The following CCDC171 variants were observed in gnomAD, a reference collection of about 807,000 sequenced individuals.
CCDC171 encodes coiled-coil domain containing 171, also known as coiled-coil domain-containing protein 171.
A neutral mutation model predicts 168.2 loss-of-function variants in CCDC171; 177 were observed. The observed-to-expected ratio is 1.05, with a 90% CI of 0.93 to 1.19. The LOEUF is 1.19. Ranked by LOEUF, CCDC171 falls within the 50% of genes most tolerant of loss-of-function variation. CCDC171 has a pLI of 0.00. For missense variants in CCDC171, 1,991 were observed against 1,539.0 expected, an observed-to-expected ratio of 1.29 and a Z score of -4.91; for synonymous variants, 687 against 540.8, an observed-to-expected ratio of 1.27 and a Z score of -3.75.
chr9:16,080,590 A>G, the CCDC171 span, among the ~76,000 whole-genome samples: 1 of 152,228 alleles, frequency 6.6e-6, no homozygotes, highest in Non-Finnish European at 1.5e-5. Flanking sequence ...CAGCAAGTCA[A>G]AAATTCCAAT....
intron 25 of CCDC171, among the ~76,000 whole-genome samples, chr9:15,928,887 T>C (rs1385590619): frequency 2.6e-5 from 4 of 151,730 alleles, no homozygotes; most frequent in African/African-American, 7.2e-5. Context: ...CCTGGAGTTA[T>C]TGGTGCATAT....
rs546128638 is a variant in CCDC171 at position 15,928,932 on chromosome 9, T to C, written c.3753+8510T>C. 2.6e-5 allele frequency among the ~76,000 whole-genome samples: 4 copies of C among 151,826 alleles called. No individual in the cohort carries two copies. The South Asian group carries it at 8.3e-4, about 32-fold the overall frequency. ...CTCATACCTTCTTTCTAGAATTTTG[T>C]TTTATGTAATGCAGTTTAAGAAGAT... On this transcript the variant is annotated intron_variant, in intron 25 of 25. Transcript: ENST00000380701.
chr9:15,950,632 A>G (rs555287748), intron 25 of CCDC171, among the ~76,000 whole-genome samples: 48 of 152,248 alleles, frequency 3.2e-4, no homozygotes, highest in Non-Finnish European at 6.3e-4. Flanking sequence ...AGCGCTAAAC[A>G]TGGAAAGGAA....
rs1204587513 is a variant in CCDC171 at position 15,677,786 on chromosome 9, T to C, written c.1077-972T>C. Among the ~76,000 whole-genome samples, 4 of 143,810 alleles carry C rather than the reference T, an allele frequency of 2.8e-5. No homozygotes were observed. In the East Asian group the frequency reaches 8.2e-4, roughly 29 times the overall value. 94.3% of individuals were successfully genotyped at this position (143,810 alleles called of 152,430 possible). ...CTATATGTGTGTGTGTGTGTGTATA[T>C]ATACCCCATCTCATATATATACACA... On this transcript the variant is annotated intron_variant, in intron 9 of 25. Coordinates refer to ENST00000380701, the MANE Select transcript of CCDC171 (RefSeq NM_173550.4).
At chr9:15,746,153 G>GT (rs1051674077) in intron 18 of CCDC171, among the ~76,000 whole-genome samples, 114 of 151,756 alleles carry the variant, frequency 7.5e-4, no homozygotes, top group African/African-American at 2.6e-3. Flanking sequence ...TAAAATGCAA[G>GT]TTTTTTTTTA....
chr9:15,641,235 C>A (rs1256067391), intron 7 of CCDC171, among the ~76,000 whole-genome samples: 1 of 152,116 alleles, frequency 6.6e-6, no homozygotes, highest in African/African-American at 2.4e-5. Flanking sequence ...AATGAGGAAA[C>A]TAACATACAA....
At chr9:16,043,414 T>A (rs1055053689) in intron 1 of CCDC171, among the ~76,000 whole-genome samples, 2 of 152,222 alleles carry the variant, frequency 1.3e-5, no homozygotes, top group African/African-American at 4.8e-5. Context: ...TATAGATAAA[T>A]TAGTTTTGTA....
chr9:15,767,914 T>C (rs1182579175), intron 18 of CCDC171, among the ~76,000 whole-genome samples: 2 of 128,306 alleles, frequency 1.6e-5, no homozygotes, highest in Non-Finnish European at 3.4e-5. Context: ...TTTTAATTTT[T>C]AGTAGAGAAG....
At chr9:15,718,569 G>C (rs1307730765) in intron 11 of CCDC171, among the ~76,000 whole-genome samples, 1 of 152,210 alleles carries the variant, frequency 6.6e-6, no homozygotes, top group Non-Finnish European at 1.5e-5. Context: ...CAGTCCTACT[G>C]GTGGTGGCCA....
intron 21 of CCDC171, among the ~76,000 whole-genome samples, chr9:15,831,534 C>T (rs1481283793): frequency 6.6e-6 from 1 of 152,086 alleles, no homozygotes; most frequent in African/African-American, 2.4e-5. Context: ...TGACTGTCAC[C>T]TTGGAATTTA....
chr9:15,959,673 G>A (rs1830155212), intron 25 of CCDC171, among the ~76,000 whole-genome samples: 1 of 152,110 alleles, frequency 6.6e-6, no homozygotes, highest in Admixed American at 6.6e-5. Context: ...ACTCTAGAGA[G>A]TTAATCTGAA....
At position 15,909,868 on chromosome 9, in the gene CCDC171, A is replaced by T. The variant is rs189170637; in HGVS notation, c.3601-10402A>T. On this transcript the variant is annotated intron_variant, in intron 24 of 25. Transcript: ENST00000380701. Reference sequence around the variant, plus strand: ...ACATATTTAGGAGGTACAAATGCAGATTTCTTACTTGCATATATTGCATAG... The same window carrying T: ...ACATATTTAGGAGGTACAAATGCAGTTTTCTTACTTGCATATATTGCATAG... 1.8e-4 allele frequency among the ~76,000 whole-genome samples: 27 copies of T among 152,132 alleles called. No homozygotes were observed. The East Asian group carries it at 5.2e-3, about 29-fold the overall frequency.
chr9:16,077,698 A>AG, the CCDC171 span, among the ~76,000 whole-genome samples: 15 of 152,116 alleles, frequency 9.9e-5, no homozygotes, highest in Non-Finnish European at 1.6e-4. Flanking sequence ...CAGATGTAAG[A>AG]GGGGAAAAAA....
At chr9:16,108,248 C>T in the CCDC171 span, among the ~76,000 whole-genome samples, 1 of 152,182 alleles carries the variant, frequency 6.6e-6, no homozygotes, top group African/African-American at 2.4e-5. Context: ...GGAGTCTGCC[C>T]TTCCAGGCTC....
intron 3 of CCDC171, among the ~76,000 whole-genome samples, chr9:16,018,694 C>T (rs1226063556): frequency 6.6e-6 from 1 of 152,212 alleles, no homozygotes; most frequent in Admixed American, 6.5e-5. Context: ...GAGCTGTGCT[C>T]CAACACAGTG....
chr9:15,644,509 C>T (rs557368197), intron 7 of CCDC171, among the ~76,000 whole-genome samples: 61 of 152,294 alleles, frequency 4.0e-4, no homozygotes, highest in Admixed American at 1.0e-3. Context: ...GAAGCTGTGA[C>T]AGATGGCACC....
intron 6 of CCDC171, among the ~76,000 whole-genome samples, chr9:16,029,439 T>C (rs1215195078): frequency 6.6e-6 from 1 of 152,170 alleles, no homozygotes; most frequent in Non-Finnish European, 1.5e-5. Flanking sequence ...TTGGTGATGC[T>C]TGGAGGGCTG....
intron 23 of CCDC171, among the ~76,000 whole-genome samples, chr9:15,868,126 G>C (rs908281349): frequency 2.0e-5 from 3 of 151,978 alleles, no homozygotes; most frequent in African/African-American, 7.2e-5. Context: ...GGTTGTGGTG[G>C]TGGATTTTGC....
intron 11 of CCDC171, among the ~76,000 whole-genome samples, chr9:15,697,552 T>C (rs1375451347): frequency 1.3e-5 from 2 of 152,190 alleles, no homozygotes; most frequent in African/African-American, 4.8e-5. Context: ...TCTGCTCAGA[T>C]TGGGTTTTTG....
Sources: allele counts gnomAD v4.1 joint callset (sites outside exome capture counted in the v4.1 genomes callset), GRCh38; gene constraint gnomAD v4.1.1; transcripts MANE v1.5; gene names NCBI Gene and HGNC (gene_info 2026-07-23, HGNC 2026-07-21).